The following CLIC5 variants were observed in gnomAD, a reference collection of about 807,000 sequenced individuals.
The protein encoded by CLIC5 is CLIC family member 5, also known as chloride intracellular channel protein 5.
A neutral mutation model predicts 24.7 loss-of-function variants in CLIC5; 20 were observed. That is an observed-to-expected ratio of 0.81 (90% CI 0.57 to 1.18). The LOEUF is 1.18. CLIC5 is among the 50% of genes most tolerant of loss of function. The pLI is 0.00. For synonymous variants in CLIC5, 159 were observed against 135.6 expected, an observed-to-expected ratio of 1.17 and a Z score of -1.20; for missense variants, 341 against 326.1, an observed-to-expected ratio of 1.05 and a Z score of -0.35.
At chr6:45,961,368 T>C (rs141433359) in intron 1 of CLIC5, among the ~76,000 whole-genome samples, 9 of 152,278 alleles carry the variant, frequency 5.9e-5, no homozygotes, top group Middle Eastern at 3.4e-3. Context: ...GGTAGAGAAA[T>C]AGACCCAGAA....
downstream of CLIC5, among the ~76,000 whole-genome samples, chr6:45,898,097 C>T (rs975993409): frequency 6.6e-6 from 1 of 151,930 alleles, no homozygotes; most frequent in Admixed American, 6.6e-5. Context: ...GAGGGAGTCT[C>T]GCTCTGTCGG....
intron 1 of CLIC5, among the ~76,000 whole-genome samples, chr6:46,033,202 T>G (rs1767561006): frequency 6.6e-6 from 1 of 151,810 alleles, no homozygotes; most frequent in African/African-American, 2.4e-5. Flanking sequence ...TTGGCCAGGA[T>G]AGTCTCGAAC....
chr6:46,080,788 G>A (rs1349630061), upstream of CLIC5, among the ~76,000 whole-genome samples: 1 of 152,114 alleles, frequency 6.6e-6, no homozygotes, highest in Non-Finnish European at 1.5e-5. Flanking sequence ...TACATGCCCT[G>A]GTTAGGTAAT....
chr6:45,903,597 A>G (rs1009638304), intron 5 of CLIC5, among the ~76,000 whole-genome samples: 1 of 152,224 alleles, frequency 6.6e-6, no homozygotes, highest in African/African-American at 2.4e-5. Context: ...CCAAAGTCCA[A>G]CAATATATGA....
At chr6:46,084,418 T>C (rs554896243), upstream of CLIC5, among the ~76,000 whole-genome samples, 212 of 152,348 alleles carry the variant, frequency 1.4e-3, no homozygotes, top group South Asian at 3.1e-3. Flanking sequence ...GTAGCAGTTG[T>C]TCCTTTCCAT....
the CLIC5 span, among the ~76,000 whole-genome samples, chr6:46,090,558 A>C: frequency 6.6e-6 from 1 of 152,204 alleles, no homozygotes; most frequent in East Asian, 1.9e-4. Context: ...TTAACAACCC[A>C]CATTTAATTT....
At chr6:45,953,048 A>T (rs1004825447) in intron 2 of CLIC5, among the ~76,000 whole-genome samples, 3 of 152,136 alleles carry the variant, frequency 2.0e-5, no homozygotes, top group African/African-American at 7.2e-5. Context: ...TGAAGGTCTC[A>T]TTTGAAAGAT....
At chr6:45,999,645 C>A (rs1392968879) in intron 1 of CLIC5, among the ~76,000 whole-genome samples, 2 of 152,018 alleles carry the variant, frequency 1.3e-5, no homozygotes, top group African/African-American at 4.8e-5. Context: ...CCTCCTCAGC[C>A]TACTCAATGT....
chr6:45,983,791 T>A (rs1209326422), intron 1 of CLIC5, among the ~76,000 whole-genome samples: 2 of 152,238 alleles, frequency 1.3e-5, no homozygotes, highest in African/African-American at 4.8e-5. Context: ...AATGCCTTTC[T>A]CAGATAAGTC....
chr6:45,970,996 G>T (rs1765182402), intron 1 of CLIC5, among the ~76,000 whole-genome samples: 1 of 152,188 alleles, frequency 6.6e-6, no homozygotes, highest in African/African-American at 2.4e-5. Context: ...ACTGAAAGTG[G>T]CCATTATAAA....
At chr6:46,046,152 G>C (rs1767946866) in intron 1 of CLIC5, among the ~76,000 whole-genome samples, 1 of 152,214 alleles carries the variant, frequency 6.6e-6, no homozygotes, top group African/African-American at 2.4e-5. Context: ...TTCCAGAGAT[G>C]AAACTTGCCT....
chr6:45,935,605 C>T (rs1763901970), intron 4 of CLIC5, among the ~76,000 whole-genome samples: 1 of 152,204 alleles, frequency 6.6e-6, no homozygotes. Flanking sequence ...AGGAGGAACC[C>T]CTCCAGCCAA....
At chr6:45,986,182 G>T (rs1765729762) in intron 1 of CLIC5, among the ~76,000 whole-genome samples, 1 of 152,176 alleles carries the variant, frequency 6.6e-6, no homozygotes. Context: ...TTAGCAGCAT[G>T]AGAACAGACT....
intron 3 of CLIC5, among the ~76,000 whole-genome samples, chr6:45,944,939 A>G (rs573707979): frequency 3.0e-4 from 46 of 152,190 alleles, no homozygotes; most frequent in African/African-American, 1.1e-3. Context: ...TCAACCCCTC[A>G]CACGTGAAGG....
chr6:45,944,549 CAAAA>C (rs773971605), intron 3 of CLIC5, among the ~76,000 whole-genome samples: 3 of 61,404 alleles, frequency 4.9e-5, no homozygotes, highest in Admixed American at 3.3e-4. Context: ...GGCTTCTCAC[CAAAA>C]AAAAAAAAAA....
intron 1 of CLIC5, among the ~76,000 whole-genome samples, chr6:46,056,473 T>C (rs1303095054): frequency 1.3e-5 from 2 of 152,128 alleles, no homozygotes; most frequent in Non-Finnish European, 2.9e-5. Flanking sequence ...GGTACCCTCA[T>C]ATGTGGTACA....
intron 1 of CLIC5, among the ~76,000 whole-genome samples, chr6:46,070,285 C>T (rs1762556354): frequency 6.6e-6 from 1 of 152,180 alleles, no homozygotes; most frequent in Non-Finnish European, 1.5e-5. Context: ...GTCAAACTAT[C>T]CCTGTTTGTA....
At chr6:45,912,671 T>G (rs1011235795) in intron 5 of CLIC5, 1 of 1,534,556 alleles carries the variant, frequency 6.5e-7, no homozygotes, top group South Asian at 1.2e-5. Flanking sequence ...TCCTGATCTT[T>G]GCATTGTATC....
At chr6:46,014,916 C>T (rs1053649818) in intron 1 of CLIC5, among the ~76,000 whole-genome samples, 1 of 152,184 alleles carries the variant, frequency 6.6e-6, no homozygotes, top group African/African-American at 2.4e-5. Flanking sequence ...ATAATAACGT[C>T]GGAGAATGGA....
Sources: gnomAD v4.1 joint callset for allele counts (sites outside exome capture counted in the v4.1 genomes callset) on GRCh38, gnomAD v4.1.1 for gene constraint, MANE v1.5 for transcripts, NCBI Gene and HGNC (gene_info 2026-07-23, HGNC 2026-07-21) for gene names.